The following CSMD2 variants were observed in gnomAD, a reference collection of about 807,000 sequenced individuals.
The protein encoded by CSMD2 is CUB and sushi domain-containing protein 2.
CSMD2 carries 130 observed loss-of-function variants against 398.5 expected under a neutral mutation model. The ratio of observed to expected loss-of-function variants is 0.33; its 90% CI spans 0.28 to 0.38. CSMD2 has a LOEUF of 0.38. Ranked by LOEUF, CSMD2 falls within the 10% of genes least tolerant of loss-of-function variation. The probability of loss-of-function intolerance (pLI) is 1.00; values close to 1 mark genes in which losing one functional copy is unlikely to be tolerated. For missense variants in CSMD2, 3,829 were observed against 4,764.9 expected (o/e 0.80, Z 5.78); for synonymous variants, 1,828 against 1,908.5 (o/e 0.96, Z 1.10).
At chr1:33,689,709 G>A (rs927962925) in intron 25 of CSMD2, among the ~76,000 whole-genome samples, 1 of 152,118 alleles carries the variant, frequency 6.6e-6, no homozygotes, top group East Asian at 1.9e-4. Context: ...GCTATGCCAT[G>A]GATGAACACA....
intron 1 of CSMD2, among the ~76,000 whole-genome samples, chr1:34,147,289 A>G (rs948112231): frequency 6.6e-6 from 1 of 152,160 alleles, no homozygotes; most frequent in Non-Finnish European, 1.5e-5. Flanking sequence ...ATAAAGAAAT[A>G]AAGAATAAAA....
chr1:33,626,613 AGT>A, intron 32 of CSMD2, 32 bp from the exon 33 acceptor site: 1 of 1,523,660 alleles, frequency 6.6e-7, no homozygotes, highest in Non-Finnish European at 8.9e-7. Context: ...AGGAGAGAAC[AGT>A]GAGTCCAGCA....
intron 2 of CSMD2, among the ~76,000 whole-genome samples, chr1:34,075,993 A>C (rs1480657586): frequency 6.6e-6 from 1 of 152,126 alleles, no homozygotes; most frequent in African/African-American, 2.4e-5. Flanking sequence ...TTCTATTGTA[A>C]ATTTAATTTG....
At chr1:34,001,981 T>C (rs1646918845) in intron 3 of CSMD2, among the ~76,000 whole-genome samples, 1 of 152,212 alleles carries the variant, frequency 6.6e-6, no homozygotes, top group Admixed American at 6.5e-5. Context: ...CAGAGGTATA[T>C]TTGAGGAGCT....
intron 3 of CSMD2, among the ~76,000 whole-genome samples, chr1:33,949,425 G>A (rs1028149944): frequency 6.6e-6 from 1 of 152,178 alleles, no homozygotes; most frequent in Non-Finnish European, 1.5e-5. Flanking sequence ...GACCTACACT[G>A]CTCTTGTTGA....
intron 5 of CSMD2, among the ~76,000 whole-genome samples, chr1:33,877,339 G>A (rs1213913068): frequency 1.3e-5 from 2 of 152,158 alleles, no homozygotes; most frequent in Non-Finnish European, 2.9e-5. Flanking sequence ...GGTCCTGTGT[G>A]CCATCACCCC....
chr1:34,163,231 G>C lies in CSMD2; in HGVS notation c.187+1680C>G, dbSNP rs1342204528. Among the ~76,000 whole-genome samples the C allele has an allele frequency of 6.6e-6, 1 of 152,240 alleles. No individual in the cohort carries two copies. The highest frequency in any genetic ancestry group is 1.5e-5 in the Non-Finnish European group (1 of 68,036). On this transcript the variant is annotated intron_variant, in intron 1 of 70. Coordinates refer to ENST00000373381, the MANE Select transcript of CSMD2 (RefSeq NM_001281956.2). The surrounding 1 kb of genome is among the most constrained non-coding windows in gnomAD (Gnocchi z 5.4). Reference sequence around the variant, plus strand: ...GGGAGGCCTGGCGGGAGGTAGCAGCGATTCCCCCACCGCCCATGTGGCAAG... The same window carrying C: ...GGGAGGCCTGGCGGGAGGTAGCAGCCATTCCCCCACCGCCCATGTGGCAAG...
intron 1 of CSMD2, among the ~76,000 whole-genome samples, chr1:34,092,818 G>A (rs1265014596): frequency 8.5e-5 from 13 of 152,232 alleles, no homozygotes; most frequent in Non-Finnish European, 1.8e-4. Context: ...CAAGGCAGCA[G>A]CGAGGCTGGG....
Position 33,559,921 on chromosome 1 carries a change from T to A in CSMD2, c.8381-448A>T, listed in dbSNP as rs1352079885. ...TAACCAAGACTGGTGCAGAGTTCAG[T>A]CACTCTGCTAGATCAATAGCCCAGG... On this transcript the variant is annotated intron_variant, in intron 53 of 70. Coordinates refer to ENST00000373381, the MANE Select transcript of CSMD2 (RefSeq NM_001281956.2). The surrounding 1 kb of genome is among the most constrained non-coding windows in gnomAD (Gnocchi z 4.0). 6.6e-6 allele frequency among the ~76,000 whole-genome samples: 1 copy of A among 152,160 alleles called. No individual in the cohort carries two copies. Among genetic ancestry groups the A allele is most frequent in the Non-Finnish European group, 1.5e-5 (1 of 68,026 alleles).
chr1:34,058,205 G>C (rs1654074330), intron 2 of CSMD2, among the ~76,000 whole-genome samples: 1 of 152,236 alleles, frequency 6.6e-6, no homozygotes, highest in Non-Finnish European at 1.5e-5. Context: ...TCAGACTCCA[G>C]CTCTGCCATT....
chr1:33,951,129 C>T (rs1246331458), intron 3 of CSMD2, among the ~76,000 whole-genome samples: 1 of 152,228 alleles, frequency 6.6e-6, no homozygotes, highest in East Asian at 1.9e-4. Flanking sequence ...ACCCTCTTTT[C>T]CCAGGCCAGT....
intron 3 of CSMD2, among the ~76,000 whole-genome samples, chr1:34,007,761 C>T (rs536386697): frequency 2.0e-5 from 3 of 152,112 alleles, no homozygotes; most frequent in Non-Finnish European, 2.9e-5. Flanking sequence ...ATATATATTT[C>T]GAATTTTATG....
intron 10 of CSMD2, among the ~76,000 whole-genome samples, chr1:33,797,844 C>T (rs1356685559): frequency 6.6e-6 from 1 of 152,118 alleles, no homozygotes; most frequent in South Asian, 2.1e-4. Context: ...GCTCACCCAG[C>T]CACCTCCAAA....
intron 19 of CSMD2, among the ~76,000 whole-genome samples, chr1:33,721,691 A>G (rs905755969): frequency 2.0e-5 from 3 of 152,164 alleles, no homozygotes; most frequent in Non-Finnish European, 2.9e-5. Flanking sequence ...TCTTGCCTTG[A>G]TGCAGTAAGC....
At chr1:33,966,588 G>A (rs750217805) in intron 3 of CSMD2, among the ~76,000 whole-genome samples, 108 of 152,282 alleles carry the variant, frequency 7.1e-4, no homozygotes, top group South Asian at 2.1e-3. Flanking sequence ...AACTGCCCAG[G>A]GTGGTGATGA....
At chr1:33,562,331 G>A (rs1413256219) in intron 53 of CSMD2, among the ~76,000 whole-genome samples, 1 of 152,186 alleles carries the variant, frequency 6.6e-6, no homozygotes, top group East Asian at 1.9e-4. Context: ...CCCCATATAA[G>A]TTCTTCTTGC....
At chr1:33,811,797 C>A (rs533317112) in intron 9 of CSMD2, among the ~76,000 whole-genome samples, 5 of 152,192 alleles carry the variant, frequency 3.3e-5, no homozygotes, top group Admixed American at 2.0e-4. Flanking sequence ...CATTCTTTAA[C>A]GTTAGTGTTC....
chr1:33,618,291 C>G (rs865990123), intron 37 of CSMD2, among the ~76,000 whole-genome samples: 1 of 152,042 alleles, frequency 6.6e-6, no homozygotes, highest in Non-Finnish European at 1.5e-5. Flanking sequence ...CCGCTAAAAC[C>G]CTCCTTCATC....
intron 13 of CSMD2, among the ~76,000 whole-genome samples, chr1:33,769,603 A>C (rs1219043062): frequency 1.3e-5 from 2 of 152,184 alleles, no homozygotes; most frequent in Non-Finnish European, 2.9e-5. Flanking sequence ...AATGATTCTG[A>C]AGTCTCTGCT....
Sources: gnomAD v4.1 joint callset for allele counts (sites outside exome capture counted in the v4.1 genomes callset) on GRCh38, gnomAD v4.1.1 for gene constraint, Gnocchi (gnomAD v3.1) non-coding constraint, MANE v1.5 for transcripts, NCBI Gene and HGNC (gene_info 2026-07-23, HGNC 2026-07-21) for gene names.